The following CDH6 variants were observed in gnomAD, a reference collection of about 807,000 sequenced individuals.
CDH6 encodes the protein cadherin 6, also known as cadherin-6.
Under a neutral mutation model 78.0 loss-of-function variants are expected in CDH6, and 31 were observed. The observed-to-expected ratio is 0.40, with a 90% CI of 0.30 to 0.54. CDH6 has a LOEUF of 0.54. Ranked by LOEUF, CDH6 falls within the 20% of genes least tolerant of loss-of-function variation. CDH6 has a pLI of 0.56. For synonymous variants in CDH6, 376 were observed against 368.8 expected, an observed-to-expected ratio of 1.02 and a Z score of -0.23; for missense variants, 724 against 975.9, an observed-to-expected ratio of 0.74 and a Z score of 3.44.
chr5:31,261,261 G>T (rs974306656), intron 1 of CDH6, among the ~76,000 whole-genome samples: 2 of 152,060 alleles, frequency 1.3e-5, no homozygotes, highest in African/African-American at 4.8e-5. Flanking sequence ...GAGATTTCAG[G>T]CTCAGAGTTG....
chr5:31,301,369 C>T (rs1561064873), intron 5 of CDH6, among the ~76,000 whole-genome samples: 1 of 152,160 alleles, frequency 6.6e-6, no homozygotes, highest in Non-Finnish European at 1.5e-5. Flanking sequence ...CTAAGTATAT[C>T]ATGGCCTGGC....
Position 31,326,680 on chromosome 5 carries a change from A to ATTTTTTTTTTTTTTTTTTTTTTTTTTT in CDH6, c.*3372_*3373insTTTTTTTTTTTTTTTTTTTTTTTTTTT, listed in dbSNP as rs750696655. The ATTTTTTTTTTTTTTTTTTTTTTTTTTT allele has an allele frequency of 1.5e-5, 2 of 130,318 alleles. 1 individual carries two copies. The allele number at this position is 130,318 out of a possible 1,614,324, so 8.1% of individuals were successfully genotyped here. A position where few individuals can be genotyped will look rare whatever the true frequency, so the allele number is the denominator to read the frequency against. On this transcript the variant is annotated 3_prime_UTR_variant, in exon 12 of 12. Coordinates refer to ENST00000265071, the MANE Select transcript of CDH6 (RefSeq NM_004932.4). The stretch of plus-strand genomic sequence containing the variant: ...CAAAGAGTTGTGCAGAAAATCTTAA[A>ATTTTTTTTTTTTTTTTTTTTTTTTTTT]ATTTTTTTTTTTTTTTTTTTTTTTT...
chr5:31,270,104 T>C (rs1742479071), intron 2 of CDH6, among the ~76,000 whole-genome samples: 1 of 152,192 alleles, frequency 6.6e-6, no homozygotes, highest in African/African-American at 2.4e-5. Flanking sequence ...AGGAGAGAGT[T>C]GCCCCTCATT....
rs1275437904 is a variant in CDH6, at chr5:31,241,104, A to G, written c.-128-26242A>G. On this transcript the variant is annotated intron_variant, in intron 1 of 11. Transcript: ENST00000265071. ...ATGAATCTTCTAGTTCTAACCCCTC[A>G]TCATCAGGTACAGAGAGGAGAAAAT... is the stretch of plus-strand genomic sequence containing the variant. Among the ~76,000 whole-genome samples the G allele has an allele frequency of 3.3e-5, 5 of 152,266 alleles. No homozygotes were observed. In the East Asian group the frequency reaches 9.7e-4, roughly 29 times the overall value.
chr5:31,302,816 G>GA (rs1737828792), intron 6 of CDH6, among the ~76,000 whole-genome samples: 1 of 123,120 alleles, frequency 8.1e-6, no homozygotes, highest in Non-Finnish European at 1.8e-5. Flanking sequence ...AAGAAAGAAA[G>GA]AAAGAAAGAA....
At chr5:31,228,120 A>G (rs1741216141) in intron 1 of CDH6, among the ~76,000 whole-genome samples, 2 of 152,016 alleles carry the variant, frequency 1.3e-5, no homozygotes, top group Admixed American at 6.6e-5. Flanking sequence ...ACAGTGTAGC[A>G]TGTTTAAATC....
chr5:31,313,435 A>C lies in CDH6; in HGVS notation c.1371A>C (p.Thr457=), dbSNP rs776298187. 6.2e-7 allele frequency: 1 copy of C among 1,614,036 alleles called. No homozygotes were observed. Among genetic ancestry groups the C allele is most frequent in the Non-Finnish European group, 8.5e-7 (1 of 1,179,930 alleles). ...AAACACTGCTATGGCACAACATTAC[A>C]GTGATAGCAACAGAGATCAGTAAGT... ...DRETLLWHNI[T]VIATEINNPK... is the part of the protein sequence containing the mutation. Residue 457 remains threonine, a synonymous_variant, in exon 8 of 12, where the codon ACA becomes ACC. Coordinates refer to ENST00000265071, the MANE Select transcript of CDH6 (RefSeq NM_004932.4).
At chr5:31,209,855 G>A (rs1740642900) in intron 1 of CDH6, among the ~76,000 whole-genome samples, 1 of 152,074 alleles carries the variant, frequency 6.6e-6, no homozygotes, top group Non-Finnish European at 1.5e-5. Context: ...GTCGAAGATG[G>A]TTGCTGGTGG....
At chr5:31,238,716 G>C (rs1447127347) in intron 1 of CDH6, among the ~76,000 whole-genome samples, 1 of 152,090 alleles carries the variant, frequency 6.6e-6, no homozygotes, top group Non-Finnish European at 1.5e-5. Context: ...TGTATGTTTT[G>C]CACATCTCAG....
intron 1 of CDH6, among the ~76,000 whole-genome samples, chr5:31,239,107 T>C (rs1303880188): frequency 1.3e-5 from 2 of 152,196 alleles, no homozygotes; most frequent in Admixed American, 1.3e-4. Context: ...TAACTGTTCC[T>C]CCGCAGGGCA....
In CDH6 at chr5:31,274,337, A is replaced by C. The variant is rs1579872597; in HGVS notation, c.228+6636A>C. ...AACTTCCCTCTGTGCACAGTAGCTC[A>C]TGTGGAAAGCAGAAAAGTTAGAATG... is the stretch of plus-strand genomic sequence containing the variant. On this transcript the variant is annotated intron_variant, in intron 2 of 11. Transcript: ENST00000265071. 2.0e-5 allele frequency among the ~76,000 whole-genome samples: 3 copies of C among 152,322 alleles called. No individual in the cohort carries two copies. The Middle Eastern group carries it at 0.01, about 518-fold the overall frequency.
At chr5:31,302,887 G>A (rs1737838451) in intron 6 of CDH6, among the ~76,000 whole-genome samples, 1 of 110,498 alleles carries the variant, frequency 9.0e-6, no homozygotes, top group African/African-American at 3.7e-5. Flanking sequence ...AGGAAGGAAG[G>A]AAAGAAAGAA....
intron 2 of CDH6, among the ~76,000 whole-genome samples, chr5:31,287,554 A>G (rs1475043468): frequency 6.6e-6 from 1 of 152,166 alleles, no homozygotes; most frequent in Non-Finnish European, 1.5e-5. Context: ...TGGATGAGGA[A>G]ATAAAGGCCT....
chr5:31,221,811 T>C (rs745658600), intron 1 of CDH6, among the ~76,000 whole-genome samples: 2 of 152,188 alleles, frequency 1.3e-5, no homozygotes, highest in African/African-American at 2.4e-5. Flanking sequence ...TTGTAGAATA[T>C]TACACATGAA....
chr5:31,328,118 A>T lies in CDH6; in HGVS notation c.*4810A>T. The T allele has an allele frequency of 5.5e-6, 1 of 181,266 alleles. No individual in the cohort carries two copies. Among genetic ancestry groups the T allele is most frequent in the Non-Finnish European group, 1.2e-5 (1 of 86,420 alleles). 11.2% of individuals were successfully genotyped at this position (181,266 alleles called of 1,614,324 possible). ...CAGACAGGACTGAGGCACTTAGCCG[A>T]GGAGCCACTGGGTTATTAGATTAAT... On this transcript the variant is annotated 3_prime_UTR_variant, in exon 12 of 12. Coordinates refer to ENST00000265071, the MANE Select transcript of CDH6 (RefSeq NM_004932.4).
At chr5:31,254,577 C>T (rs1742000873) in intron 1 of CDH6, among the ~76,000 whole-genome samples, 2 of 152,190 alleles carry the variant, frequency 1.3e-5, no homozygotes, top group South Asian at 4.2e-4. Context: ...CAATTGGGTT[C>T]GATACTATCC....
chr5:31,305,079 T>C (rs1381361978), intron 6 of CDH6, 95 bp from the exon 7 acceptor site: 1 of 1,222,530 alleles, frequency 8.2e-7, no homozygotes, highest in African/African-American at 1.5e-5. Context: ...CGCATTCATT[T>C]ATCAGTGGTT....
At chr5:31,267,793 C>A (rs1579866294) in intron 2 of CDH6, 92 bp downstream of exon 2, 2 of 923,834 alleles carry the variant, frequency 2.2e-6, no homozygotes, top group South Asian at 1.5e-5. Context: ...TACTATTCCC[C>A]AATATAGTAA....
chr5:31,323,367 T>C lies in CDH6; in HGVS notation c.*59T>C. ...GAAATATGTGAAGTGGCTATTTCTT[T>C]ATATTTATCCACTACTCCGTGAAGG... On this transcript the variant is annotated 3_prime_UTR_variant, in exon 12 of 12. Coordinates refer to ENST00000265071, the MANE Select transcript of CDH6 (RefSeq NM_004932.4). The C allele has an allele frequency of 1.3e-6, 2 of 1,545,420 alleles. No individual in the cohort carries two copies. Among genetic ancestry groups the C allele is most frequent in the Admixed American group, 1.8e-5 (1 of 54,204 alleles).
Sources: gnomAD v4.1 joint callset for allele counts (sites outside exome capture counted in the v4.1 genomes callset) on GRCh38, gnomAD v4.1.1 for gene constraint, MANE v1.5 for transcripts, NCBI Gene and HGNC (gene_info 2026-07-23, HGNC 2026-07-21) for gene names.